Variants in RARB observed in about 807,000 individuals in gnomAD.
The protein encoded by RARB is HBV-activated protein.
RARB carries 17 observed loss-of-function variants against 51.9 expected under a neutral mutation model. The ratio of observed to expected loss-of-function variants is 0.33; its 90% CI spans 0.22 to 0.49. The LOEUF (loss-of-function observed/expected upper bound fraction) is 0.49, where lower values mean the gene tolerates loss of function less well. RARB is among the 20% of genes least tolerant of loss of function. The pLI is 0.99. For missense variants in RARB, 369 were observed against 550.8 expected (o/e 0.67, Z 3.30); for synonymous variants, 215 against 195.4 (o/e 1.10, Z -0.84).
intron 5 of RARB, among the ~76,000 whole-genome samples, chr3:25,353,584 A>ATT (rs3035062): frequency 1.0e-4 from 15 of 144,974 alleles, no homozygotes; most frequent in African/African-American, 3.3e-4. Context: ...TGCTGCTGAG[A>ATT]TTTTTTTTTT....
intron 1 of RARB, among the ~76,000 whole-genome samples, chr3:25,454,367 C>G (rs939025828): frequency 6.6e-6 from 1 of 152,196 alleles, no homozygotes; most frequent in African/African-American, 2.4e-5. Context: ...GAAGTCCAAA[C>G]GAACATTTTG....
In RARB at chr3:25,597,872, T is replaced by TATACTGTTTACCTTTTTCC. The variant is rs1432116312; in HGVS notation, c.*1259_*1277dup. The TATACTGTTTACCTTTTTCC allele has an allele frequency of 1.1e-4, 17 of 153,006 alleles. No individual in the cohort carries two copies. Among genetic ancestry groups the TATACTGTTTACCTTTTTCC allele is most frequent in the African/African-American group, 4.1e-4 (17 of 41,566 alleles). The allele number at this position is 153,006 out of a possible 1,614,324, so 9.5% of individuals were successfully genotyped here. A position where few individuals can be genotyped will look rare whatever the true frequency, so the allele number is the denominator to read the frequency against. On this transcript the variant is annotated 3_prime_UTR_variant, in exon 8 of 8. Transcript: ENST00000330688. ...TGTTTAACAATGCTTTCTATGTTCA[T>TATACTGTTTACCTTTTTCC]ATACTGTTTACCTTTTTCCATGGAG...
intron 2 of RARB, among the ~76,000 whole-genome samples, chr3:25,487,799 G>T (rs150602683): frequency 2.0e-3 from 301 of 152,256 alleles, no homozygotes; most frequent in African/African-American, 6.8e-3. Context: ...CTTTCACGGG[G>T]TCTATTCTAA....
intron 2 of RARB, among the ~76,000 whole-genome samples, chr3:24,946,139 C>T (rs1458953626): frequency 6.6e-6 from 1 of 151,712 alleles, no homozygotes; most frequent in African/African-American, 2.4e-5. Flanking sequence ...GTGGCAGCTG[C>T]CTGTAGTCCC....
At chr3:24,869,542 A>G (rs183479225) in intron 2 of RARB, among the ~76,000 whole-genome samples, 450 of 152,238 alleles carry the variant, frequency 3.0e-3, no homozygotes, top group African/African-American at 0.01. Context: ...TACAAAATGC[A>G]TATACATATG....
At chr3:25,415,223 GT>G (rs533404321) in intron 5 of RARB, among the ~76,000 whole-genome samples, 2 of 151,764 alleles carry the variant, frequency 1.3e-5, no homozygotes, top group Non-Finnish European at 2.9e-5. Flanking sequence ...TAATTATTTT[GT>G]TTTTTTTATG....
intron 3 of RARB, among the ~76,000 whole-genome samples, chr3:25,107,707 T>C (rs1230494927): frequency 7.9e-5 from 12 of 152,146 alleles, no homozygotes; most frequent in Admixed American, 7.9e-4. Context: ...ACAGCAATAA[T>C]AATAAAATAG....
intron 3 of RARB, among the ~76,000 whole-genome samples, chr3:25,509,116 G>A: frequency 6.6e-6 from 1 of 152,174 alleles, no homozygotes; most frequent in East Asian, 1.9e-4. Flanking sequence ...AACAGCACAG[G>A]GCAAAGAACA....
chr3:24,959,950 C>T (rs1379038697), intron 2 of RARB, among the ~76,000 whole-genome samples: 1 of 152,164 alleles, frequency 6.6e-6, no homozygotes, highest in Non-Finnish European at 1.5e-5. Flanking sequence ...CGAGATCTCT[C>T]AGTTAATCAT....
chr3:25,073,534 C>G (rs1166140961), intron 3 of RARB, among the ~76,000 whole-genome samples: 1 of 152,158 alleles, frequency 6.6e-6, no homozygotes, highest in East Asian at 1.9e-4. Flanking sequence ...TTCTCAGAAC[C>G]TTAAATGTGT....
At chr3:24,896,079 G>A (rs1298423894) in intron 2 of RARB, among the ~76,000 whole-genome samples, 4 of 152,170 alleles carry the variant, frequency 2.6e-5, no homozygotes, top group Non-Finnish European at 4.4e-5. Flanking sequence ...GAGCCTTGAT[G>A]ACATTATACT....
At chr3:25,384,107 C>T (rs73157843) in intron 5 of RARB, among the ~76,000 whole-genome samples, 22 of 152,192 alleles carry the variant, frequency 1.4e-4, no homozygotes, top group African/African-American at 5.1e-4. Flanking sequence ...TTGAAACAAA[C>T]CATCAAACAG....
At chr3:25,320,186 A>G (rs1704530288) in intron 5 of RARB, among the ~76,000 whole-genome samples, 4 of 152,154 alleles carry the variant, frequency 2.6e-5, no homozygotes, top group African/African-American at 9.7e-5. Context: ...ATTCCTCTCC[A>G]CAGCAAATTC....
chr3:25,213,690 G>C (rs1701752033), intron 5 of RARB, among the ~76,000 whole-genome samples: 1 of 152,192 alleles, frequency 6.6e-6, no homozygotes, highest in Admixed American at 6.5e-5. Flanking sequence ...CAGTCCTGCT[G>C]AAGGCAGGCA....
At chr3:25,538,371 G>T (rs994889730) in intron 3 of RARB, among the ~76,000 whole-genome samples, 7 of 151,904 alleles carry the variant, frequency 4.6e-5, no homozygotes, top group Admixed American at 2.0e-4. Context: ...CCTTTTTTTT[G>T]CTAAGCATCA....
chr3:25,421,337 T>C (rs1459321307), intron 5 of RARB, among the ~76,000 whole-genome samples: 2 of 151,916 alleles, frequency 1.3e-5, no homozygotes, highest in African/African-American at 2.4e-5. Flanking sequence ...TTGAGTGGTA[T>C]TGAGCAATAT....
chr3:25,144,229 G>C (rs954501947), intron 4 of RARB, among the ~76,000 whole-genome samples: 1 of 152,120 alleles, frequency 6.6e-6, no homozygotes, highest in Admixed American at 6.6e-5. Flanking sequence ...GAAGATGGCA[G>C]GGTACTTAAA....
At chr3:24,881,530 C>A in intron 2 of RARB, among the ~76,000 whole-genome samples, 1 of 152,160 alleles carries the variant, frequency 6.6e-6, no homozygotes, top group African/African-American at 2.4e-5. Context: ...CATATTACGA[C>A]ATTTCAAATC....
intron 2 of RARB, among the ~76,000 whole-genome samples, chr3:24,996,997 C>G (rs1235869548): frequency 1.3e-5 from 2 of 151,928 alleles, no homozygotes; most frequent in East Asian, 3.9e-4. Context: ...TAGTTTAAAT[C>G]CAATGTTTCT....
Sources: gnomAD v4.1 joint callset for allele counts (sites outside exome capture counted in the v4.1 genomes callset) on GRCh38, gnomAD v4.1.1 for gene constraint, MANE v1.5 for transcripts, NCBI Gene and HGNC (gene_info 2026-07-23, HGNC 2026-07-21) for gene names.